The following DOCK5 variants were observed in gnomAD, a reference collection of about 807,000 sequenced individuals.
The protein encoded by DOCK5 is dedicator of cytokinesis protein 5.
A neutral mutation model predicts 251.8 loss-of-function variants in DOCK5; 142 were observed. That is an observed-to-expected ratio of 0.56 (90% CI 0.49 to 0.65). The LOEUF is 0.65. Among genes scored for constraint, DOCK5 ranks in the 30% least tolerant of loss-of-function variants. The pLI is 0.00. For synonymous variants in DOCK5, 842 were observed against 835.5 expected (o/e 1.01, Z -0.13); for missense variants, 2,111 against 2,312.3 (o/e 0.91, Z 1.79).
chr8:25,251,464 C>G (rs76933563), intron 2 of DOCK5, among the ~76,000 whole-genome samples: 1 of 152,108 alleles, frequency 6.6e-6, no homozygotes, highest in Non-Finnish European at 1.5e-5. Context: ...GTTATTTCTT[C>G]TATATAGAAG....
chr8:25,234,953 GA>G lies in DOCK5; in HGVS notation c.44-8720del, dbSNP rs143099903. 9.8e-3 allele frequency among the ~76,000 whole-genome samples: 1,490 copies of G among 152,246 alleles called. 30 individuals carry two copies. The highest frequency in any genetic ancestry group is 0.034 in the African/African-American group (1,417 of 41,534). On this transcript the variant is annotated intron_variant, in intron 1 of 51. Coordinates refer to ENST00000276440, the MANE Select transcript of DOCK5 (RefSeq NM_024940.8). ...GACCGACTCCCACTGGTTTATTGAT[GA>G]GGGGTTAGTGTCCATCTTTGAGGAT...
chr8:25,361,403 A>C (rs1800676490), intron 28 of DOCK5, among the ~76,000 whole-genome samples: 1 of 152,142 alleles, frequency 6.6e-6, no homozygotes, highest in Non-Finnish European at 1.5e-5. Flanking sequence ...GGAAGTCAGG[A>C]GTTCGAGACC....
At position 25,403,614 on chromosome 8, in the gene DOCK5, C is replaced by T. The variant is rs1764527475; in HGVS notation, c.4983C>T (p.Tyr1661=). The change falls in exon 48 of 52, where the codon TAC becomes TAT. Residue 1661 remains tyrosine (Y), a synonymous_variant. Coordinates refer to ENST00000276440, the MANE Select transcript of DOCK5 (RefSeq NM_024940.8). ...GCACGGGGTCTATTGTGCTCCCCTACATCATGTCTTCCACTCTGCGGAGGT... is the reference window on the plus strand; with the variant it reads ...GCACGGGGTCTATTGTGCTCCCCTATATCATGTCTTCCACTCTGCGGAGGT... ...QSRTGSIVLP[Y]IMSSTLRRLS... 1 of 1,614,038 alleles carries T rather than the reference C, an allele frequency of 6.2e-7. No homozygotes were observed. The highest frequency in any genetic ancestry group is 8.5e-7 in the Non-Finnish European group (1 of 1,179,892).
chr8:25,186,213 A>G (rs144373085), intron 1 of DOCK5, among the ~76,000 whole-genome samples: 1 of 151,888 alleles, frequency 6.6e-6, no homozygotes, highest in African/African-American at 2.4e-5. Context: ...GTGATCCTTT[A>G]TATATTTATT....
Position 25,373,602 on chromosome 8 carries a change from T to C in DOCK5, c.3685-16T>C. On this transcript the variant is annotated splice_polypyrimidine_tract_variant and intron_variant, in intron 35 of 51. Transcript: ENST00000276440. ...GATTTATGTTGGGATTCTGTGATCC[T>C]TTTTTTTCCTGGCAGAACTTTTATA... is the stretch of plus-strand genomic sequence containing the variant. The C allele has an allele frequency of 1.4e-6, 2 of 1,464,870 alleles. No homozygotes were observed. The highest frequency in any genetic ancestry group is 1.8e-6 in the Non-Finnish European group (2 of 1,104,448). The allele number at this position is 1,464,870 out of a possible 1,614,324, so 90.7% of individuals were successfully genotyped here. A position where few individuals can be genotyped will look rare whatever the true frequency, so the allele number is the denominator to read the frequency against.
At chr8:25,390,756 T>C (rs903595852) in intron 42 of DOCK5, among the ~76,000 whole-genome samples, 5 of 152,150 alleles carry the variant, frequency 3.3e-5, no homozygotes, top group African/African-American at 1.2e-4. Flanking sequence ...TTGAAAGAAC[T>C]GTTATAAAAC....
chr8:25,379,313 C>A (rs1465813436), intron 38 of DOCK5, among the ~76,000 whole-genome samples: 2 of 144,336 alleles, frequency 1.4e-5, no homozygotes, highest in Admixed American at 6.8e-5. Flanking sequence ...CATTTATAGA[C>A]CTCCCCCCAA....
chr8:25,342,682 T>C (rs1466599243), intron 25 of DOCK5, among the ~76,000 whole-genome samples, 175 bp downstream of exon 25: 1 of 146,144 alleles, frequency 6.8e-6, no homozygotes, highest in African/African-American at 2.6e-5. Context: ...TGTTTGTTTG[T>C]TTTTTCTTGT....
intron 2 of DOCK5, among the ~76,000 whole-genome samples, chr8:25,249,106 C>T (rs2117557551): frequency 6.6e-6 from 1 of 152,220 alleles, no homozygotes; most frequent in African/African-American, 2.4e-5. Context: ...TCAACGGATG[C>T]TCCTGCTTCA....
chr8:25,285,270 G>A (rs753525076), intron 5 of DOCK5, among the ~76,000 whole-genome samples: 12 of 151,920 alleles, frequency 7.9e-5, no homozygotes, highest in Non-Finnish European at 1.5e-4. Context: ...CTCAGTCTCC[G>A]GAGTAGCTGG....
intron 6 of DOCK5, among the ~76,000 whole-genome samples, chr8:25,293,758 G>A (rs1306987795): frequency 6.6e-6 from 1 of 152,132 alleles, no homozygotes; most frequent in African/African-American, 2.4e-5. Flanking sequence ...AATCCCAGCA[G>A]TTTGGGAGGC....
intron 1 of DOCK5, among the ~76,000 whole-genome samples, chr8:25,195,498 C>T (rs905355542): frequency 1.3e-5 from 2 of 152,148 alleles, no homozygotes; most frequent in Admixed American, 6.5e-5. Flanking sequence ...CCTCCCGGCC[C>T]TGTGGGATCA....
intron 28 of DOCK5, among the ~76,000 whole-genome samples, chr8:25,361,727 A>T: frequency 6.6e-6 from 1 of 152,202 alleles, no homozygotes; most frequent in Non-Finnish European, 1.5e-5. Flanking sequence ...CCATAAAACC[A>T]GGGGAGAATC....
chr8:25,294,895 C>T (rs953712862), intron 6 of DOCK5, among the ~76,000 whole-genome samples: 2 of 152,024 alleles, frequency 1.3e-5, no homozygotes, highest in Admixed American at 6.6e-5. Flanking sequence ...GACTTTTAAA[C>T]AACCAGATCT....
intron 17 of DOCK5, 116 bp downstream of exon 17, chr8:25,324,067 C>G: frequency 1.7e-6 from 2 of 1,178,478 alleles, no homozygotes; most frequent in Non-Finnish European, 2.3e-6. Flanking sequence ...TCTGTACTTG[C>G]CCATTAACAT....
At chr8:25,312,757 G>A (rs1301751938) in intron 13 of DOCK5, among the ~76,000 whole-genome samples, 2 of 62,130 alleles carry the variant, frequency 3.2e-5, no homozygotes, top group East Asian at 5.2e-4. Context: ...ACAAGACTCC[G>A]TCTCAAAAAA....
chr8:25,292,839 C>T (rs1804529099), intron 6 of DOCK5, among the ~76,000 whole-genome samples: 1 of 152,192 alleles, frequency 6.6e-6, no homozygotes, highest in African/African-American at 2.4e-5. Flanking sequence ...ACAGTGGATT[C>T]CAAATCAATA....
chr8:25,340,958 C>A lies in DOCK5; in HGVS notation c.2409C>A (p.Asp803Glu). The change falls in exon 23 of 52, where the codon GAC becomes GAA. Residue 803 changes from aspartate to glutamate, a missense_variant. By Grantham distance (45) the Asp-to-Glu change is conservative (BLOSUM62 2). Coordinates refer to ENST00000276440, the MANE Select transcript of DOCK5 (RefSeq NM_024940.8). ...TTCTTGCTTTCAATATGCTGATGGA[C>A]AGGCCTCTGGAGGAAGCCGTCAAGA... Reference protein sequence around the residue: ...QLFLAFNMLMDRPLEEAVKIK... With the variant: ...QLFLAFNMLMERPLEEAVKIK... 6.2e-7 allele frequency: 1 copy of A among 1,613,028 alleles called. No individual in the cohort carries two copies. Among genetic ancestry groups the A allele is most frequent in the African/African-American group, 1.3e-5 (1 of 75,018 alleles).
chr8:25,237,527 T>A (rs1024767168), intron 1 of DOCK5, among the ~76,000 whole-genome samples: 1 of 152,248 alleles, frequency 6.6e-6, no homozygotes, highest in African/African-American at 2.4e-5. Context: ...TTCTCTCATG[T>A]AAGCCTGGTT....
Sources: allele counts gnomAD v4.1 joint callset (sites outside exome capture counted in the v4.1 genomes callset), GRCh38; gene constraint gnomAD v4.1.1; transcripts MANE v1.5; gene names NCBI Gene and HGNC (gene_info 2026-07-23, HGNC 2026-07-21).